The following NAPEPLD variants were observed in gnomAD, a reference collection of about 807,000 sequenced individuals.
NAPEPLD encodes N-acyl phosphatidylethanolamine phospholipase D, also known as N-acyl-phosphatidylethanolamine-hydrolyzing phospholipase D.
A neutral mutation model predicts 38.1 loss-of-function variants in NAPEPLD; 23 were observed. The ratio of observed to expected loss-of-function variants is 0.60; its 90% CI spans 0.43 to 0.86. The LOEUF (loss-of-function observed/expected upper bound fraction) is 0.86, where lower values mean the gene tolerates loss of function less well. Ranked by LOEUF, NAPEPLD falls within the 40% of genes least tolerant of loss-of-function variation. NAPEPLD has a pLI of 0.00. For synonymous variants in NAPEPLD, 147 were observed against 162.0 expected (o/e 0.91, Z 0.71); for missense variants, 411 against 476.8 (o/e 0.86, Z 1.28).
intron 1 of NAPEPLD, among the ~76,000 whole-genome samples, chr7:103,139,075 G>T (rs900593483): frequency 2.2e-4 from 34 of 152,248 alleles, no homozygotes; most frequent in Non-Finnish European, 4.8e-4. Context: ...TCTACTGGAA[G>T]AAAGTGCAAT....
intron 3 of NAPEPLD, among the ~76,000 whole-genome samples, chr7:103,119,073 G>A (rs1377772657): frequency 2.0e-5 from 3 of 152,190 alleles, no homozygotes; most frequent in Admixed American, 1.3e-4. Context: ...TATAAAGAAA[G>A]TATTCTCCAT....
At chr7:103,147,325 C>T (rs1766807209) in intron 1 of NAPEPLD, among the ~76,000 whole-genome samples, 1 of 152,188 alleles carries the variant, frequency 6.6e-6, no homozygotes, top group Non-Finnish European at 1.5e-5. Flanking sequence ...CAGTTCATTT[C>T]CCTAATAATA....
At chr7:103,112,478 T>C (rs1041960039) in intron 4 of NAPEPLD, among the ~76,000 whole-genome samples, 5 of 152,024 alleles carry the variant, frequency 3.3e-5, no homozygotes, top group Non-Finnish European at 7.4e-5. Flanking sequence ...CTGGAAACCA[T>C]CATTCTCAGC....
chr7:103,141,293 T>A, intron 1 of NAPEPLD: 1 of 476,382 alleles, frequency 2.1e-6, no homozygotes, highest in Non-Finnish European at 3.8e-6. Context: ...TATTTTACTT[T>A]AATGGCTGAT....
chr7:103,107,896 G>A (rs892872899), intron 4 of NAPEPLD, among the ~76,000 whole-genome samples: 14 of 152,162 alleles, frequency 9.2e-5, no homozygotes, highest in African/African-American at 2.2e-4. Context: ...GAAATACAGA[G>A]AACACCACAA....
In NAPEPLD at chr7:103,148,895, G is replaced by GA. The variant is rs1393417443; in HGVS notation, c.-102dup. 26 of 984,958 alleles carry GA rather than the reference G, an allele frequency of 2.6e-5. No homozygotes were observed. The East Asian group carries it at 3.4e-4, about 13-fold the overall frequency. 61.0% of individuals were successfully genotyped at this position (984,958 alleles called of 1,614,324 possible). On this transcript the variant is annotated 5_prime_UTR_variant, in exon 1 of 5. Coordinates refer to ENST00000465647, the MANE Select transcript of NAPEPLD (RefSeq NM_001122838.3). ...TCCCAGACAGCTACTCTCCCAAAGAGAAAAAAAATAATGCTGTGGCTCTTC... is the reference window on the plus strand; with the variant it reads ...TCCCAGACAGCTACTCTCCCAAAGAGAAAAAAAAATAATGCTGTGGCTCTTC...
At chr7:103,108,593 A>G (rs971923213) in intron 4 of NAPEPLD, among the ~76,000 whole-genome samples, 4 of 152,234 alleles carry the variant, frequency 2.6e-5, no homozygotes, top group Non-Finnish European at 5.9e-5. Context: ...TGAAGGAAGC[A>G]CTAAACATGG....
chr7:103,111,591 C>A (rs1804534984), intron 4 of NAPEPLD, among the ~76,000 whole-genome samples: 2 of 152,146 alleles, frequency 1.3e-5, no homozygotes, highest in South Asian at 4.1e-4. Flanking sequence ...CTTCCTTACA[C>A]CTTATACAAA....
Position 103,120,100 on chromosome 7 carries a change from C to G in NAPEPLD, c.418G>C (p.Asp140His). The change falls in exon 3 of 5, where the codon GAT becomes CAT. Residue 140 changes from aspartate to histidine, a missense_variant. Asp to His is a moderately conservative substitution (Grantham distance 81). Transcript: ENST00000465647. ...LGHATVMVEM[D>H]ELIFLTDPIF... Reference sequence around the variant, plus strand: ...GGATCCGTGAGAAATATGAGCTCATCCATTTCCACCATTACCGTGGCATGT... The same window carrying G: ...GGATCCGTGAGAAATATGAGCTCATGCATTTCCACCATTACCGTGGCATGT... 1 of 1,614,194 alleles carries G rather than the reference C, an allele frequency of 6.2e-7. No homozygotes were observed. The highest frequency in any genetic ancestry group is 2.2e-5 in the East Asian group (1 of 44,884).
chr7:103,145,188 G>A (rs1812286141), intron 1 of NAPEPLD, among the ~76,000 whole-genome samples: 1 of 152,144 alleles, frequency 6.6e-6, no homozygotes, highest in South Asian at 2.1e-4. Context: ...AAGATGTGAA[G>A]GTATTCGGGT....
rs1446878789 is a variant in NAPEPLD, at chr7:103,139,923, C to T, written c.-17+8888G>A. On this transcript the variant is annotated intron_variant, in intron 1 of 4. Transcript: ENST00000465647. ...TGAGGTTCTAAGGGACTTTAAGATCCCTGAGTTCAATTCAGTAGCCTCTGT... is the reference window on the plus strand; with the variant it reads ...TGAGGTTCTAAGGGACTTTAAGATCTCTGAGTTCAATTCAGTAGCCTCTGT... 2.6e-5 allele frequency among the ~76,000 whole-genome samples: 4 copies of T among 152,030 alleles called. No homozygotes were observed. The East Asian group carries it at 7.7e-4, about 29-fold the overall frequency.
rs1243802994 is a variant in NAPEPLD, at chr7:103,119,942, G to A, written c.576C>T (p.Asp192=). The A allele has an allele frequency of 1.2e-6, 2 of 1,614,098 alleles. No homozygotes were observed. The highest frequency in any genetic ancestry group is 1.3e-5 in the African/African-American group (1 of 74,922). Residue 192 remains aspartate (D), a synonymous_variant, in exon 3 of 5, where the codon GAC becomes GAT. Transcript: ENST00000465647. ...LISHNHYDHL[D]YNSVIALNER... ...CATTCAAAGCAATGACAGAATTGTA[G>A]TCCAGATGGTCATAGTGGTTGTGAC...
At chr7:103,149,495 C>A, upstream of NAPEPLD, 3 of 1,263,562 alleles carry the variant, frequency 2.4e-6, no homozygotes, top group Non-Finnish European at 3.1e-6. Context: ...TGGGGCGAGT[C>A]GTCGCCGGGT....
intron 4 of NAPEPLD, among the ~76,000 whole-genome samples, chr7:103,106,314 C>A (rs1341069981): frequency 6.6e-6 from 1 of 151,814 alleles, no homozygotes; most frequent in African/African-American, 2.4e-5. Context: ...CAAAACTGGG[C>A]GGCAATTTGG....
At chr7:103,149,689 A>G (rs78598305), upstream of NAPEPLD, 12,406 of 267,892 alleles carry the variant, frequency 0.046, 426 homozygotes, top group African/African-American at 0.11. Flanking sequence ...AACACTCTGC[A>G]GGGACCCTCC....
At chr7:103,111,632 C>T (rs1432148247) in intron 4 of NAPEPLD, among the ~76,000 whole-genome samples, 2 of 152,110 alleles carry the variant, frequency 1.3e-5, no homozygotes, top group Admixed American at 6.6e-5. Flanking sequence ...AAGACTTAAA[C>T]ATAAGACCTA....
chr7:103,128,835 G>A (rs776914115), intron 1 of NAPEPLD, 43 bp from the exon 2 acceptor site: 2 of 1,541,626 alleles, frequency 1.3e-6, no homozygotes, highest in Admixed American at 4.1e-5. Flanking sequence ...GAACATAAAG[G>A]CATTCAAACA....
chr7:103,141,765 A>C (rs1811434872), intron 1 of NAPEPLD: 2 of 853,566 alleles, frequency 2.3e-6, no homozygotes, highest in Non-Finnish European at 4.1e-6. Context: ...CAAGCGGGGG[A>C]ATGGACCATC....
chr7:103,119,930 G>A lies in NAPEPLD; in HGVS notation c.588C>T (p.Val196=), dbSNP rs775243477. The A allele has an allele frequency of 2.5e-6, 4 of 1,614,220 alleles. No homozygotes were observed. Among genetic ancestry groups the A allele is most frequent in the Admixed American group, 1.7e-5 (1 of 60,026 alleles). ...TACCAAATCGCTCATTCAAAGCAAT[G>A]ACAGAATTGTAGTCCAGATGGTCAT... ...NHYDHLDYNS[V]IALNERFGNE... The change falls in exon 3 of 5, where the codon GTC becomes GTT. Residue 196 remains valine (V), a synonymous_variant. Transcript: ENST00000465647.
Sources: gnomAD v4.1 joint callset for allele counts (sites outside exome capture counted in the v4.1 genomes callset) on GRCh38, gnomAD v4.1.1 for gene constraint, MANE v1.5 for transcripts, NCBI Gene and HGNC (gene_info 2026-07-23, HGNC 2026-07-21) for gene names.